Variants in IFT74 observed in about 807,000 individuals in gnomAD.
The protein encoded by IFT74 is intraflagellar transport 74.
In IFT74, 92 loss-of-function variants were observed where a neutral mutation model predicts 96.7. The ratio of observed to expected loss-of-function variants is 0.95; its 90% CI spans 0.80 to 1.13. The LOEUF is 1.13. Ranked by LOEUF, IFT74 falls within the 50% of genes most tolerant of loss-of-function variation. The pLI is 0.00. For synonymous variants in IFT74, 223 were observed against 213.2 expected, an observed-to-expected ratio of 1.05 and a Z score of -0.40; for missense variants, 811 against 698.2, an observed-to-expected ratio of 1.16 and a Z score of -1.82.
intron 8 of IFT74, chr9:26,994,324 G>A (rs1337929553): frequency 1.3e-5 from 2 of 152,110 alleles, no homozygotes; most frequent in African/African-American, 2.4e-5. Flanking sequence ...AGATCATGAG[G>A]TCAGGCGTTC....
chr9:27,015,712 C>T (rs1372093536), intron 10 of IFT74, among the ~76,000 whole-genome samples: 2 of 152,192 alleles, frequency 1.3e-5, no homozygotes, highest in Non-Finnish European at 2.9e-5. Flanking sequence ...TTTCAAATGT[C>T]ACTGTTAACT....
At position 27,033,328 on chromosome 9, in the gene IFT74, G is replaced by C. The variant is rs192881092; in HGVS notation, c.1054+4224G>C. Among the ~76,000 whole-genome samples, 584 of 151,966 alleles carry C rather than the reference G, an allele frequency of 3.8e-3. 5 individuals are homozygous for C. The highest frequency in any genetic ancestry group is 0.013 in the African/African-American group (557 of 41,446). ...ATCCTAGCACTTTGGGAGGCTGAGG[G>C]GGGTGGATTGCTTGAGCTCAGAAGT... On this transcript the variant is annotated intron_variant, in intron 13 of 19. Coordinates refer to ENST00000380062, the MANE Select transcript of IFT74 (RefSeq NM_025103.4).
intron 1 of IFT74, among the ~76,000 whole-genome samples, chr9:26,948,555 G>A (rs1195410364): frequency 3.0e-5 from 4 of 133,852 alleles, no homozygotes; most frequent in African/African-American, 1.1e-4. Context: ...TGCAACCCTC[G>A]CCTCCCGGGT....
chr9:26,952,210 C>G (rs930297540), upstream of IFT74, among the ~76,000 whole-genome samples: 1 of 151,518 alleles, frequency 6.6e-6, no homozygotes, highest in Non-Finnish European at 1.5e-5. Flanking sequence ...TCATTAAAAG[C>G]TGGCTAATGT....
intron 2 of IFT74, among the ~76,000 whole-genome samples, chr9:26,977,669 A>G (rs1383638026): frequency 3.9e-5 from 6 of 151,962 alleles, no homozygotes; most frequent in Admixed American, 3.9e-4. Context: ...TTGTATTTTT[A>G]GTAGTGATGG....
chr9:27,012,947 G>A lies in IFT74; in HGVS notation c.789+979G>A, dbSNP rs150357135. ...TTAGCCAGGATGGTCTCGATCTCCT[G>A]ACCTTGTGATCCGCCCACCTCGGCC... On this transcript the variant is annotated intron_variant, in intron 10 of 19. Coordinates refer to ENST00000380062, the MANE Select transcript of IFT74 (RefSeq NM_025103.4). Among the ~76,000 whole-genome samples, 946 of 152,048 alleles carry A rather than the reference G, an allele frequency of 6.2e-3. 12 individuals are homozygous for A. Among genetic ancestry groups the A allele is most frequent in the African/African-American group, 0.022 (893 of 41,488 alleles).
intron 1 of IFT74, among the ~76,000 whole-genome samples, chr9:26,949,773 T>C (rs1395482979): frequency 6.6e-6 from 1 of 151,884 alleles, no homozygotes; most frequent in Non-Finnish European, 1.5e-5. Flanking sequence ...TGCTAATTGG[T>C]TGGGTCAGGG....
At chr9:27,053,161 CTTTTTTTTTTTTTT>C (rs58085385) in intron 16 of IFT74, among the ~76,000 whole-genome samples, 1 of 50,590 alleles carries the variant, frequency 2.0e-5, no homozygotes, top group Non-Finnish European at 3.3e-5. Context: ...CGCGCCTGGC[CTTTTTTTTTTTTTT>C]TTTTTTTTTT....
chr9:26,970,683 G>A (rs778145829), intron 2 of IFT74, among the ~76,000 whole-genome samples: 4 of 152,194 alleles, frequency 2.6e-5, no homozygotes, highest in African/African-American at 9.6e-5. Context: ...GATCACTCGG[G>A]TTAACCCTTA....
intron 10 of IFT74, among the ~76,000 whole-genome samples, chr9:27,015,755 A>C (rs2131615519): frequency 6.6e-6 from 1 of 152,348 alleles, no homozygotes; most frequent in East Asian, 1.9e-4. Flanking sequence ...AAAGTTATTT[A>C]CATGTCAGAT....
At chr9:27,050,861 G>C (rs1819890729) in intron 16 of IFT74, among the ~76,000 whole-genome samples, 2 of 152,076 alleles carry the variant, frequency 1.3e-5, no homozygotes, top group South Asian at 2.1e-4. Flanking sequence ...TTGTGCACAT[G>C]TACCCTAGAA....
At chr9:27,049,130 A>G (rs1237982883) in intron 16 of IFT74, among the ~76,000 whole-genome samples, 1 of 152,058 alleles carries the variant, frequency 6.6e-6, no homozygotes, top group East Asian at 1.9e-4. Context: ...CATGATTGTA[A>G]GCTTCCTGAG....
intron 2 of IFT74, among the ~76,000 whole-genome samples, chr9:26,973,461 T>TGG (rs925409406): frequency 2.0e-5 from 3 of 152,202 alleles, no homozygotes; most frequent in African/African-American, 7.2e-5. Context: ...TGATGTCTAT[T>TGG]GGGGGAACTT....
chr9:27,060,372 AAAAT>A (rs1201564452), intron 18 of IFT74, among the ~76,000 whole-genome samples: 1 of 151,926 alleles, frequency 6.6e-6, no homozygotes, highest in African/African-American at 2.4e-5. Context: ...AAATATAATT[AAAAT>A]AAATATATAG....
intron 2 of IFT74, chr9:26,976,793 T>C (rs1218245479): frequency 2.2e-6 from 1 of 456,026 alleles, no homozygotes; most frequent in Non-Finnish European, 4.4e-6. Flanking sequence ...GTATGTATTA[T>C]ATGAACTGAC....
At chr9:26,995,923 C>G in intron 8 of IFT74, 1 of 1,021,146 alleles carries the variant, frequency 9.8e-7, no homozygotes, top group East Asian at 2.6e-5. Context: ...ATTATATATC[C>G]TAATTCTCCT....
At chr9:26,987,966 T>A (rs577149768) in intron 6 of IFT74, among the ~76,000 whole-genome samples, 1 of 151,968 alleles carries the variant, frequency 6.6e-6, no homozygotes, top group African/African-American at 2.4e-5. Flanking sequence ...TGTTGTTGTT[T>A]TTTGAGACGG....
chr9:27,048,670 G>A (rs1587413980), intron 16 of IFT74, among the ~76,000 whole-genome samples: 1 of 152,152 alleles, frequency 6.6e-6, no homozygotes, highest in East Asian at 1.9e-4. Context: ...GGAGTAGTAA[G>A]GGAAATGAAA....
chr9:26,995,895 G>T, intron 8 of IFT74: 1 of 1,368,414 alleles, frequency 7.3e-7, no homozygotes, highest in Non-Finnish European at 1.0e-6. Context: ...AATTTGTTAA[G>T]TTGGCAAAAT....
Sources: allele counts gnomAD v4.1 joint callset (sites outside exome capture counted in the v4.1 genomes callset), GRCh38; gene constraint gnomAD v4.1.1; transcripts MANE v1.5; gene names NCBI Gene and HGNC (gene_info 2026-07-23, HGNC 2026-07-21).